Variants in HOMER2 observed in about 807,000 individuals in gnomAD.
The protein encoded by HOMER2 is homer protein homolog 2.
HOMER2 carries 27 observed loss-of-function variants against 47.0 expected under a neutral mutation model. The observed-to-expected ratio is 0.57, with a 90% CI of 0.42 to 0.79. The LOEUF is 0.79. Among genes scored for constraint, HOMER2 ranks in the 30% least tolerant of loss-of-function variants. The pLI is 0.00. For synonymous variants in HOMER2, 161 were observed against 163.8 expected, an observed-to-expected ratio of 0.98 and a Z score of 0.13; for missense variants, 443 against 435.0, an observed-to-expected ratio of 1.02 and a Z score of -0.16.
chr15:82,916,498 G>A (rs2053592513), intron 1 of HOMER2, among the ~76,000 whole-genome samples: 1 of 152,158 alleles, frequency 6.6e-6, no homozygotes, highest in Non-Finnish European at 1.5e-5. Flanking sequence ...TCTATTGCAT[G>A]CATGTGACGT....
chr15:82,985,915 C>T (rs2030581057), upstream of HOMER2: 1 of 284,964 alleles, frequency 3.5e-6, no homozygotes, highest in Admixed American at 6.5e-5. Context: ...GGAAGGAGCC[C>T]TTCCCTCCCT....
Position 82,864,153 on chromosome 15 carries a change from G to A in HOMER2, c.387+14C>T, listed in dbSNP as rs41314075. 3.8e-6 allele frequency: 6 copies of A among 1,564,794 alleles called. No homozygotes were observed. The highest frequency in any genetic ancestry group is 5.3e-6 in the Non-Finnish European group (6 of 1,139,182). ...CAACCCCACTGGGATTTACTTCATA[G>A]ACTAATGTCTTACTTGGGAATGATT... On this transcript the variant is annotated intron_variant, in intron 4 of 8. Transcript: ENST00000450735.
At chr15:82,931,990 G>A (rs894736781) in intron 1 of HOMER2, among the ~76,000 whole-genome samples, 1 of 152,270 alleles carries the variant, frequency 6.6e-6, no homozygotes, top group Admixed American at 6.5e-5. Context: ...AGAAAGACAG[G>A]AGCCCTAACC....
chr15:82,836,998 T>A (rs890559970), exon 2 of HOMER2: 1 of 152,270 alleles, frequency 6.6e-6, no homozygotes, highest in African/African-American at 2.4e-5. Flanking sequence ...AAGTCTGACA[T>A]GGGTCTCACT....
At chr15:82,834,797 G>A (rs933862694), downstream of HOMER2, 2 of 152,186 alleles carry the variant, frequency 1.3e-5, no homozygotes, top group African/African-American at 4.8e-5. Flanking sequence ...AAAGTCTTCC[G>A]TGTCCGGGTG....
At chr15:82,860,373 G>C (rs1199987444) in intron 4 of HOMER2, among the ~76,000 whole-genome samples, 1 of 151,838 alleles carries the variant, frequency 6.6e-6, no homozygotes, top group East Asian at 1.9e-4. Flanking sequence ...AATATGGTGG[G>C]GGGGAGCAAA....
At chr15:82,840,475 A>T (rs2051165324) in exon 2 of HOMER2, 1 of 152,166 alleles carries the variant, frequency 6.6e-6, no homozygotes, top group African/African-American at 2.4e-5. Context: ...AATTAAAAAA[A>T]ATTTTTTTTT....
At chr15:82,947,424 A>G (rs1437030150) in intron 1 of HOMER2, among the ~76,000 whole-genome samples, 5 of 152,258 alleles carry the variant, frequency 3.3e-5, no homozygotes, top group Admixed American at 2.6e-4. Context: ...GCTGAACAAA[A>G]TAAGTGAGTG....
In HOMER2 at chr15:82,854,686, C is replaced by A. The variant is rs200964994; in HGVS notation, c.609G>T (p.Gln203His). The change falls in exon 6 of 9, where the codon CAG (glutamine) becomes CAT (histidine). Residue 203 changes from glutamine (Q) to histidine (H), a missense_variant. Transcript: ENST00000450735. ...CATTCTCATCACGGCAGATGGAGAA[C>A]TGCCTCTTCCACTGCTCCACACTGG... ...SAASVEQWKR[Q>H]FSICRDENDR... 3.2e-5 allele frequency: 52 copies of A among 1,613,154 alleles called. No homozygotes were observed. In the African/African-American group the frequency reaches 6.4e-4, roughly 20 times the overall value.
At chr15:82,918,378 C>T (rs894330003) in intron 1 of HOMER2, among the ~76,000 whole-genome samples, 3 of 152,112 alleles carry the variant, frequency 2.0e-5, no homozygotes, top group African/African-American at 7.2e-5. Flanking sequence ...ATTCTCAGGA[C>T]AGTGTGATCA....
intron 3 of HOMER2, among the ~76,000 whole-genome samples, chr15:82,874,618 C>T (rs914397049): frequency 6.6e-6 from 1 of 152,130 alleles, no homozygotes; most frequent in Admixed American, 6.5e-5. Context: ...TATGAATCCT[C>T]TCCCTAGAAA....
At chr15:82,944,943 T>C (rs2054342916) in intron 1 of HOMER2, among the ~76,000 whole-genome samples, 1 of 152,038 alleles carries the variant, frequency 6.6e-6, no homozygotes, top group African/African-American at 2.4e-5. Flanking sequence ...AAGAGCCTTC[T>C]CATCCAAGTC....
At chr15:82,930,918 T>C (rs937708658) in intron 1 of HOMER2, among the ~76,000 whole-genome samples, 3 of 151,888 alleles carry the variant, frequency 2.0e-5, no homozygotes, top group Admixed American at 2.0e-4. Flanking sequence ...CCCAGCTACT[T>C]GGGGGGGCTG....
intron 2 of HOMER2, among the ~76,000 whole-genome samples, chr15:82,881,335 C>A (rs950485280): frequency 2.6e-5 from 4 of 152,170 alleles, no homozygotes; most frequent in Non-Finnish European, 1.5e-5. Flanking sequence ...ATGAAACAGG[C>A]AGGGGGAGAC....
At chr15:82,932,409 C>T (rs960020058) in intron 1 of HOMER2, among the ~76,000 whole-genome samples, 11 of 151,942 alleles carry the variant, frequency 7.2e-5, no homozygotes, top group Non-Finnish European at 8.8e-5. Flanking sequence ...GCAGGAGAAT[C>T]GCTTGAACCT....
At chr15:82,923,283 C>T (rs374878390) in intron 1 of HOMER2, among the ~76,000 whole-genome samples, 1 of 151,838 alleles carries the variant, frequency 6.6e-6, no homozygotes, top group African/African-American at 2.4e-5. Context: ...GTCAGGAGTT[C>T]GAGACGAGCC....
Position 82,949,968 on chromosome 15 carries a change from T to C in HOMER2, c.5+2563A>G, listed in dbSNP as rs990552470. On this transcript the variant is annotated intron_variant, in intron 1 of 8. Coordinates refer to ENST00000450735, the MANE Select transcript of HOMER2 (RefSeq NM_004839.4). ...GTGGTTAGGAAGGAGAGACAATCTC[T>C]GAAAAGATGGGAGGAGGAAGGGATG... is the stretch of plus-strand genomic sequence containing the variant. Among the ~76,000 whole-genome samples, 9 of 151,938 alleles carry C rather than the reference T, an allele frequency of 5.9e-5. No individual in the cohort carries two copies. In the South Asian group the frequency reaches 1.3e-3, roughly 21 times the overall value.
intron 1 of HOMER2, among the ~76,000 whole-genome samples, chr15:82,896,969 A>AG (rs2052943487): frequency 6.6e-6 from 1 of 152,042 alleles, no homozygotes; most frequent in East Asian, 1.9e-4. Context: ...CCTACAGGGA[A>AG]GGGGCTGAAC....
chr15:82,941,279 A>G (rs1283300168), intron 1 of HOMER2, among the ~76,000 whole-genome samples: 1 of 151,584 alleles, frequency 6.6e-6, no homozygotes, highest in East Asian at 1.9e-4. Context: ...CCCCCTCTAT[A>G]CTAAAAATAC....
Sources: allele counts gnomAD v4.1 joint callset (sites outside exome capture counted in the v4.1 genomes callset), GRCh38; gene constraint gnomAD v4.1.1; transcripts MANE v1.5; gene names NCBI Gene and HGNC (gene_info 2026-07-23, HGNC 2026-07-21).